DLG2: variants seen among roughly 807,000 people sequenced by gnomAD.
The protein encoded by DLG2 is discs large MAGUK scaffold protein 2.
In DLG2, 45 loss-of-function variants were observed where a neutral mutation model predicts 132.5. The ratio of observed to expected loss-of-function variants is 0.34; its 90% CI spans 0.27 to 0.44. DLG2 has a LOEUF of 0.44. Ranked by LOEUF, DLG2 falls within the 20% of genes least tolerant of loss-of-function variation. The pLI, the probability that DLG2 is intolerant of heterozygous loss-of-function variation, is 1.00. For synonymous variants in DLG2, 424 were observed against 419.6 expected, an observed-to-expected ratio of 1.01 and a Z score of -0.13; for missense variants, 1,045 against 1,196.9, an observed-to-expected ratio of 0.87 and a Z score of 1.87.
At chr11:84,742,408 GTCAAGTCA>G (rs1378334426) in intron 6 of DLG2, among the ~76,000 whole-genome samples, 4 of 152,154 alleles carry the variant, frequency 2.6e-5, no homozygotes, top group African/African-American at 9.7e-5. Flanking sequence ...AGAGAAAAGT[GTCAAGTCA>G]CATATAAGGG....
chr11:85,608,402 A>G (rs1000533458), intron 2 of DLG2, among the ~76,000 whole-genome samples: 2 of 152,196 alleles, frequency 1.3e-5, no homozygotes, highest in Non-Finnish European at 2.9e-5. Flanking sequence ...ATAACTTACA[A>G]TACTATCCTG....
chr11:83,671,193 A>G (rs879494913), intron 18 of DLG2, among the ~76,000 whole-genome samples: 2 of 152,220 alleles, frequency 1.3e-5, no homozygotes, highest in Admixed American at 1.3e-4. Flanking sequence ...GTATTCTATT[A>G]ATATTAAATG....
chr11:83,770,519 T>C (rs955298103), intron 18 of DLG2, among the ~76,000 whole-genome samples: 3 of 152,014 alleles, frequency 2.0e-5, no homozygotes, highest in African/African-American at 7.2e-5. Context: ...GAGAAGAGGA[T>C]GATAAGAGAA....
intron 9 of DLG2, among the ~76,000 whole-genome samples, chr11:84,129,683 CA>C (rs2094333507): frequency 6.6e-6 from 1 of 151,300 alleles, no homozygotes; most frequent in Admixed American, 6.6e-5. Context: ...AGTATTTTTA[CA>C]TTGTATTAGA....
chr11:84,268,215 G>T (rs1055953481), intron 7 of DLG2, among the ~76,000 whole-genome samples: 1 of 151,884 alleles, frequency 6.6e-6, no homozygotes, highest in African/African-American at 2.4e-5. Context: ...TCTAGCCTTC[G>T]CTGGTTATCT....
intron 7 of DLG2, among the ~76,000 whole-genome samples, chr11:84,276,392 C>T (rs981272581): frequency 5.3e-5 from 8 of 152,174 alleles, no homozygotes; most frequent in African/African-American, 1.9e-4. Context: ...GTGGGGTCCA[C>T]TATAAATCCA....
chr11:85,416,975 C>T (rs1405784582), intron 3 of DLG2, among the ~76,000 whole-genome samples: 3 of 152,088 alleles, frequency 2.0e-5, no homozygotes, highest in Non-Finnish European at 2.9e-5. Context: ...ACTTCCAATA[C>T]TATATCGAAT....
chr11:85,489,395 G>C (rs1285134928), intron 3 of DLG2, among the ~76,000 whole-genome samples: 2 of 152,124 alleles, frequency 1.3e-5, no homozygotes, highest in African/African-American at 4.8e-5. Context: ...CAACACTGCA[G>C]CACGCAGATT....
At chr11:85,507,253 A>ATGAT (rs1355874741) in intron 3 of DLG2, among the ~76,000 whole-genome samples, 4 of 152,286 alleles carry the variant, frequency 2.6e-5, no homozygotes, top group African/African-American at 7.2e-5. Flanking sequence ...TCCTGTCATT[A>ATGAT]TGATGTTAGC....
chr11:83,617,126 T>C (rs2060939378), intron 19 of DLG2, among the ~76,000 whole-genome samples: 1 of 152,230 alleles, frequency 6.6e-6, no homozygotes, highest in African/African-American at 2.4e-5. Context: ...TGGTCTTTTA[T>C]ATTTCCATAT....
At chr11:84,293,325 A>G (rs17147156) in intron 7 of DLG2, among the ~76,000 whole-genome samples, 24,875 of 151,526 alleles carry the variant, frequency 0.16, 2,290 homozygotes, top group African/African-American at 0.23. Context: ...TTTTTTTTAG[A>G]TTCCATGAAA....
intron 18 of DLG2, among the ~76,000 whole-genome samples, chr11:83,650,567 A>T (rs909768896): frequency 6.6e-6 from 1 of 152,216 alleles, no homozygotes; most frequent in East Asian, 1.9e-4. Flanking sequence ...GTAATAAGCC[A>T]CTAAATTTGT....
intron 3 of DLG2, among the ~76,000 whole-genome samples, chr11:85,406,999 GAT>G (rs1163788790): frequency 2.6e-5 from 4 of 151,872 alleles, no homozygotes; most frequent in Non-Finnish European, 5.9e-5. Context: ...GAGTCATGGA[GAT>G]ATTGGAGGAA....
At chr11:84,148,578 C>T (rs2095176298) in intron 9 of DLG2, among the ~76,000 whole-genome samples, 1 of 152,020 alleles carries the variant, frequency 6.6e-6, no homozygotes, top group Non-Finnish European at 1.5e-5. Flanking sequence ...GTGTAGTATT[C>T]CATGTAAATG....
chr11:85,131,022 T>C (rs913924875), intron 5 of DLG2, among the ~76,000 whole-genome samples: 1 of 152,014 alleles, frequency 6.6e-6, no homozygotes, highest in Non-Finnish European at 1.5e-5. Context: ...TGAAATTTCA[T>C]GTGGGTCTGT....
intron 19 of DLG2, among the ~76,000 whole-genome samples, chr11:83,543,035 G>A (rs751506969): frequency 2.0e-5 from 3 of 152,062 alleles, no homozygotes; most frequent in Non-Finnish European, 4.4e-5. Context: ...TCAAAGAAAT[G>A]TCACATCTGC....
At chr11:85,445,795 A>G (rs995614124) in intron 3 of DLG2, among the ~76,000 whole-genome samples, 6 of 152,164 alleles carry the variant, frequency 3.9e-5, no homozygotes, top group African/African-American at 1.4e-4. Flanking sequence ...TTAAACACAC[A>G]ATTTCCTTTT....
At chr11:84,756,893 C>A (rs1943687) in intron 6 of DLG2, among the ~76,000 whole-genome samples, 125,684 of 152,074 alleles carry the variant, frequency 0.83, 52,781 homozygotes, top group African/African-American at 0.96. Flanking sequence ...TTCCCCTAAA[C>A]TGGATAAGAA....
chr11:84,307,695 CAAA>C (rs1222486667), intron 7 of DLG2, among the ~76,000 whole-genome samples: 127 of 77,994 alleles, frequency 1.6e-3, no homozygotes, highest in Middle Eastern at 0.016. Context: ...GACGCAGTCT[CAAA>C]AAAAAAAAAA....
Sources: allele counts gnomAD v4.1 joint callset (sites outside exome capture counted in the v4.1 genomes callset), GRCh38; gene constraint gnomAD v4.1.1; transcripts MANE v1.5; gene names NCBI Gene and HGNC (gene_info 2026-07-23, HGNC 2026-07-21).